ERC2: variants seen among roughly 807,000 people sequenced by gnomAD.
The protein encoded by ERC2 is ERC protein 2.
In ERC2, 42 loss-of-function variants were observed where a neutral mutation model predicts 114.8. That is an observed-to-expected ratio of 0.37 (90% CI 0.29 to 0.47). The LOEUF is 0.47. Among genes scored for constraint, ERC2 ranks in the 20% least tolerant of loss-of-function variants. ERC2 has a pLI of 0.99. For missense variants in ERC2, 939 were observed against 1,150.7 expected, an observed-to-expected ratio of 0.82 and a Z score of 2.66; for synonymous variants, 454 against 425.5, an observed-to-expected ratio of 1.07 and a Z score of -0.82.
intron 17 of ERC2, among the ~76,000 whole-genome samples, chr3:55,663,447 C>G (rs1327674688): frequency 6.6e-6 from 1 of 152,222 alleles, no homozygotes; most frequent in Non-Finnish European, 1.5e-5. Flanking sequence ...TAAGTGGCCA[C>G]TCTGGTTGCC....
chr3:56,016,099 G>C (rs2073288261), intron 8 of ERC2, among the ~76,000 whole-genome samples: 1 of 152,138 alleles, frequency 6.6e-6, no homozygotes, highest in Admixed American at 6.6e-5. Flanking sequence ...GCATATTCTG[G>C]ATATTAGACC....
chr3:56,246,663 G>T (rs545408171), intron 3 of ERC2, among the ~76,000 whole-genome samples: 1 of 152,068 alleles, frequency 6.6e-6, no homozygotes, highest in African/African-American at 2.4e-5. Flanking sequence ...TCTTGAACCC[G>T]ATTCCACTGA....
intron 2 of ERC2, among the ~76,000 whole-genome samples, chr3:56,414,592 G>A (rs1008191929): frequency 5.3e-5 from 8 of 152,008 alleles, no homozygotes; most frequent in Non-Finnish European, 1.2e-4. Flanking sequence ...GGGTGTAGTG[G>A]CACGTGCCTG....
intron 13 of ERC2, among the ~76,000 whole-genome samples, chr3:55,946,095 T>TA (rs529233439): frequency 1.1e-3 from 160 of 144,630 alleles, no homozygotes; most frequent in African/African-American, 3.5e-3. Context: ...AATAAAAAAA[T>TA]AAAAAAAAAA....
At chr3:55,540,833 C>A (rs1286141177) in intron 17 of ERC2, among the ~76,000 whole-genome samples, 1 of 152,160 alleles carries the variant, frequency 6.6e-6, no homozygotes, top group Non-Finnish European at 1.5e-5. Context: ...AATGCTTATG[C>A]AAAGCTTATG....
chr3:56,349,649 G>C (rs1448800174), intron 2 of ERC2, among the ~76,000 whole-genome samples: 1 of 152,208 alleles, frequency 6.6e-6, no homozygotes, highest in African/African-American at 2.4e-5. Context: ...GCTCACGCCT[G>C]TAATCCCAGC....
intron 14 of ERC2, among the ~76,000 whole-genome samples, chr3:55,838,762 CCAT>C (rs2061006038): frequency 6.6e-6 from 1 of 151,808 alleles, no homozygotes; most frequent in Admixed American, 6.6e-5. Context: ...GGAAAAGACA[CCAT>C]CATCATTAGA....
chr3:55,795,863 A>C (rs1214467824), intron 14 of ERC2, among the ~76,000 whole-genome samples: 2 of 152,214 alleles, frequency 1.3e-5, no homozygotes, highest in Non-Finnish European at 2.9e-5. Flanking sequence ...ATCATTCAGC[A>C]AATAATTACC....
In ERC2 at chr3:55,675,728, T is replaced by C. The variant is rs548529489; in HGVS notation, c.*39+8066A>G. Among the ~76,000 whole-genome samples, 3 of 152,168 alleles carry C rather than the reference T, an allele frequency of 2.0e-5. 1 individual carries two copies. The South Asian group carries it at 6.2e-4, about 32-fold the overall frequency. On this transcript the variant is annotated intron_variant, in intron 17 of 17. Coordinates refer to ENST00000288221, the MANE Select transcript of ERC2 (RefSeq NM_015576.3). ...CTCAAAATGAAACCTGTGAGCCTTCTCAACCCCACATTTGCATGTTCTAGA... is the reference window on the plus strand; with the variant it reads ...CTCAAAATGAAACCTGTGAGCCTTCCCAACCCCACATTTGCATGTTCTAGA...
intron 2 of ERC2, among the ~76,000 whole-genome samples, chr3:56,387,578 A>G (rs1230581323): frequency 6.6e-6 from 1 of 152,220 alleles, no homozygotes; most frequent in African/African-American, 2.4e-5. Context: ...TTCGTTCACC[A>G]TGACAACACT....
intron 13 of ERC2, among the ~76,000 whole-genome samples, chr3:55,907,028 C>G (rs1346144729): frequency 6.6e-6 from 1 of 152,186 alleles, no homozygotes; most frequent in Admixed American, 6.5e-5. Context: ...TTCCTGAAAA[C>G]AGATACTGCC....
At chr3:56,158,237 T>C (rs545622260) in intron 4 of ERC2, among the ~76,000 whole-genome samples, 2 of 152,324 alleles carry the variant, frequency 1.3e-5, no homozygotes, top group Admixed American at 6.5e-5. Flanking sequence ...TGGGGACAAG[T>C]GACTTGCCAA....
At chr3:56,297,557 C>T (rs1053446675) in intron 2 of ERC2, among the ~76,000 whole-genome samples, 5 of 152,198 alleles carry the variant, frequency 3.3e-5, no homozygotes, top group Non-Finnish European at 7.3e-5. Context: ...ATAGGACAAA[C>T]CCCCAGGCTG....
intron 17 of ERC2, among the ~76,000 whole-genome samples, chr3:55,581,568 GCT>G (rs2057263668): frequency 6.6e-6 from 1 of 152,116 alleles, no homozygotes; most frequent in South Asian, 2.1e-4. Flanking sequence ...TGGAAATGGT[GCT>G]CCTCTGGTGA....
chr3:56,109,822 C>T (rs937715240), intron 6 of ERC2, among the ~76,000 whole-genome samples: 15 of 152,042 alleles, frequency 9.9e-5, no homozygotes, highest in Admixed American at 6.5e-4. Context: ...AACATCAAGG[C>T]GCAGAGAACA....
intron 3 of ERC2, among the ~76,000 whole-genome samples, chr3:56,236,918 C>A (rs576986399): frequency 6.6e-6 from 1 of 152,212 alleles, no homozygotes; most frequent in Non-Finnish European, 1.5e-5. Flanking sequence ...AATGAACAAC[C>A]AACACGAATG....
At chr3:55,784,986 C>T (rs1195296110) in intron 14 of ERC2, among the ~76,000 whole-genome samples, 1 of 152,036 alleles carries the variant, frequency 6.6e-6, no homozygotes, top group Non-Finnish European at 1.5e-5. Flanking sequence ...AAGGCATAAC[C>T]GAAGATGCAT....
At chr3:55,561,820 C>A (rs73830648) in intron 17 of ERC2, among the ~76,000 whole-genome samples, 2,684 of 152,226 alleles carry the variant, frequency 0.018, 85 homozygotes, top group African/African-American at 0.061. Context: ...TGCAGCATCC[C>A]CTTGGCCATG....
intron 17 of ERC2, among the ~76,000 whole-genome samples, chr3:55,557,293 T>C (rs2055681916): frequency 1.3e-5 from 2 of 152,180 alleles, no homozygotes; most frequent in South Asian, 4.1e-4. Flanking sequence ...TGTTCTAGAA[T>C]GGCAGACATC....
Sources: gnomAD v4.1 joint callset for allele counts (sites outside exome capture counted in the v4.1 genomes callset) on GRCh38, gnomAD v4.1.1 for gene constraint, MANE v1.5 for transcripts, NCBI Gene and HGNC (gene_info 2026-07-23, HGNC 2026-07-21) for gene names.